NLRP13: variants seen among roughly 807,000 people sequenced by gnomAD.
NLRP13 encodes the protein NACHT, LRR and PYD domains-containing protein 13.
NLRP13 carries 82 observed loss-of-function variants against 94.4 expected under a neutral mutation model. That is an observed-to-expected ratio of 0.87 (90% CI 0.73 to 1.04). The LOEUF (loss-of-function observed/expected upper bound fraction) is 1.04. Ranked by LOEUF, NLRP13 falls within the 50% of genes least tolerant of loss-of-function variation. The probability of loss-of-function intolerance (pLI) is 0.00; values close to 1 mark genes in which losing one functional copy is unlikely to be tolerated. For missense variants in NLRP13, 1,426 were observed against 1,230.8 expected, an observed-to-expected ratio of 1.16 and a Z score of -2.37; for synonymous variants, 553 against 464.7, an observed-to-expected ratio of 1.19 and a Z score of -2.45.
At chr19:55,894,559 C>T (rs1985947971), downstream of NLRP13, among the ~76,000 whole-genome samples, 2 of 152,156 alleles carry the variant, frequency 1.3e-5, no homozygotes, top group Admixed American at 1.3e-4. Context: ...TTCCAGCCTC[C>T]TTGGGACTCA....
At chr19:55,931,744 A>AAGAAAGAAAG (rs1600283705) in intron 1 of NLRP13, among the ~76,000 whole-genome samples, 2 of 149,038 alleles carry the variant, frequency 1.3e-5, no homozygotes, top group East Asian at 4.0e-4. Flanking sequence ...GAAAGAAAGA[A>AAGAAAGAAAG]AAAGGCTTAT....
intron 4 of NLRP13, among the ~76,000 whole-genome samples, chr19:55,914,333 C>T (rs1267795530): frequency 1.3e-5 from 2 of 152,020 alleles, no homozygotes; most frequent in Non-Finnish European, 2.9e-5. Context: ...GAGGCTGGAT[C>T]GTGATTATCT....
At chr19:55,928,589 A>G (rs892662129) in intron 1 of NLRP13, among the ~76,000 whole-genome samples, 2 of 152,194 alleles carry the variant, frequency 1.3e-5, no homozygotes, top group Non-Finnish European at 1.5e-5. Flanking sequence ...ATATTTTTAA[A>G]AATCAGCAAC....
chr19:55,924,999 TG>T lies in NLRP13; in HGVS notation c.355del (p.Gln119ArgfsTer4), dbSNP rs781049376. On this transcript the variant is annotated frameshift_variant, in exon 2 of 11. Coordinates refer to ENST00000342929, the MANE Select transcript of NLRP13 (RefSeq NM_176810.2). LOFTEE classifies it high-confidence loss of function. Reference sequence around the variant, plus strand: ...TGCTTCTAGCATCTCTAGATCTTCCTGGGTTGGATCTTGCAGCTCTTGGGTC... The same window carrying T: ...TGCTTCTAGCATCTCTAGATCTTCCTGGTTGGATCTTGCAGCTCTTGGGTC... Reference protein sequence around the residue: ...VQTQELQDPTQEDLEMLEAAA... With the variant: ...VQTQELQDPTXEDLEMLEAAA... 1 of 1,614,186 alleles carries T rather than the reference TG, an allele frequency of 6.2e-7. No individual in the cohort carries two copies. Among genetic ancestry groups the T allele is most frequent in the Non-Finnish European group, 8.5e-7 (1 of 1,180,010 alleles).
At chr19:55,923,461 C>T (rs1986888272) in intron 4 of NLRP13, among the ~76,000 whole-genome samples, 2 of 152,200 alleles carry the variant, frequency 1.3e-5, no homozygotes, top group Non-Finnish European at 1.5e-5. Flanking sequence ...TATCATGCCT[C>T]CAGAAACCTG....
At chr19:55,894,824 G>A (rs779758332), downstream of NLRP13, among the ~76,000 whole-genome samples, 5 of 152,300 alleles carry the variant, frequency 3.3e-5, no homozygotes, top group Middle Eastern at 3.4e-3. Flanking sequence ...AATGGCTATG[G>A]AGTGACACGT....
In NLRP13 at chr19:55,912,878, A is replaced by C; in HGVS notation, c.939T>G (p.Phe313Leu). ...GTGACTCAGATATGATTATTTCCTC[A>C]AAGCCATCAATAATAAACAGGAGCT... is the stretch of plus-strand genomic sequence containing the variant. ...PEKLLFIIDG[F>L]EEIIISESRS... The change falls in exon 5 of 11, where the codon TTT becomes TTG. Residue 313 changes from phenylalanine to leucine, a missense_variant. Phe to Leu is a conservative substitution (Grantham distance 22). Coordinates refer to ENST00000342929, the MANE Select transcript of NLRP13 (RefSeq NM_176810.2). 1 of 1,614,156 alleles carries C rather than the reference A, an allele frequency of 6.2e-7. No homozygotes were observed. Among genetic ancestry groups the C allele is most frequent in the Non-Finnish European group, 8.5e-7 (1 of 1,180,022 alleles).
At chr19:55,904,902 C>A in intron 8 of NLRP13, 40 bp downstream of exon 8, 1 of 1,553,498 alleles carries the variant, frequency 6.4e-7, no homozygotes, top group South Asian at 1.1e-5. Context: ...TATCTGTGCC[C>A]ATAGAGTCAT....
rs1986543918 is a variant in NLRP13, at chr19:55,912,385, C to T, written c.1432G>A (p.Gly478Arg). 4 of 1,614,016 alleles carry T rather than the reference C, an allele frequency of 2.5e-6. No homozygotes were observed. The highest frequency in any genetic ancestry group is 2.2e-5 in the East Asian group (1 of 44,892). Residue 478 changes from glycine to arginine, a missense_variant, in exon 5 of 11, where the codon GGA becomes AGA. Physicochemically the swap from Gly to Arg is moderately radical, Grantham distance 125. Transcript: ENST00000342929. Reference sequence around the variant, plus strand: ...AGACTGCAGAGGGCCCTCCATTGTCCTGGCCAGCTGTCATCTGCCAAATCT... The same window carrying T: ...AGACTGCAGAGGGCCCTCCATTGTCTTGGCCAGCTGTCATCTGCCAAATCT... ...EVDLADDSWP[G>R]QWRALCSLAI...
chr19:55,924,482 T>G, intron 3 of NLRP13, 108 bp downstream of exon 3: 1 of 775,048 alleles, frequency 1.3e-6, no homozygotes, highest in South Asian at 1.6e-5. Context: ...TTTTAATTTT[T>G]TATGTACCAT....
chr19:55,898,524 T>C lies in NLRP13; in HGVS notation c.2957+246A>G, dbSNP rs531085054. 2.1e-4 allele frequency among the ~76,000 whole-genome samples: 32 copies of C among 152,152 alleles called. No homozygotes were observed. In the South Asian group the frequency reaches 2.7e-3, roughly 13 times the overall value. Reference sequence around the variant, plus strand: ...TGCTCCCAGCTAATTTTTGTATTTTTAGTAGAGACGGGGTTTCCCCATGTT... The same window carrying C: ...TGCTCCCAGCTAATTTTTGTATTTTCAGTAGAGACGGGGTTTCCCCATGTT... On this transcript the variant is annotated intron_variant, in intron 10 of 10. Transcript: ENST00000342929.
rs773384477 is a variant in NLRP13, at chr19:55,911,733, A to T, written c.2084T>A (p.Ile695Asn). ...CAGAATTTCCAAGTCCCTTTCAAGG[A>T]TGTGACTGCTAACAGAAAGCCTTAG... is the stretch of plus-strand genomic sequence containing the variant. ...NKLRLSVSSH[I>N]LERDLEILET... Residue 695 changes from isoleucine (I) to asparagine (N), a missense_variant, in exon 5 of 11, where the codon ATC (isoleucine) becomes AAC (asparagine). Ile to Asn is a moderately radical substitution (Grantham distance 149, BLOSUM62 -3). Transcript: ENST00000342929. The T allele has an allele frequency of 3.7e-6, 6 of 1,608,610 alleles. No homozygotes were observed. The highest frequency in any genetic ancestry group is 5.1e-6 in the Non-Finnish European group (6 of 1,177,504).
intron 1 of NLRP13, among the ~76,000 whole-genome samples, chr19:55,929,291 T>C (rs1430936615): frequency 1.3e-5 from 2 of 152,146 alleles, no homozygotes; most frequent in African/African-American, 2.4e-5. Flanking sequence ...ACCCAAAGGA[T>C]TATAAATCAT....
At chr19:55,904,799 T>C in intron 8 of NLRP13, 143 bp downstream of exon 8, 1 of 692,140 alleles carries the variant, frequency 1.4e-6, no homozygotes, top group African/African-American at 1.8e-5. Context: ...CTGAATCTGT[T>C]TTAGAGCAAT....
intron 3 of NLRP13, among the ~76,000 whole-genome samples, chr19:55,924,234 T>A (rs571113181): frequency 6.6e-6 from 1 of 152,196 alleles, no homozygotes; most frequent in African/African-American, 2.4e-5. Flanking sequence ...GAGATTCTCC[T>A]GCCTCAGCCT....
At position 55,913,096 on chromosome 19, in the gene NLRP13, T is replaced by C. The variant is rs1986574329; in HGVS notation, c.721A>G (p.Lys241Glu). The change falls in exon 5 of 11, where the codon AAG becomes GAG. Residue 241 changes from lysine to glutamate, a missense_variant. Physicochemically the swap from Lys to Glu is moderately conservative, Grantham distance 56. Transcript: ENST00000342929. ...IVLVGRAGVG[K>E]TTLAMQAMLH... ...ATAGCCTGCATTGCCAAGGTGGTCT[T>C]CCCAACCCCTGCCCTCCCCACCAAG... 1.9e-6 allele frequency: 3 copies of C among 1,614,142 alleles called. No individual in the cohort carries two copies. Among genetic ancestry groups the C allele is most frequent in the Non-Finnish European group, 2.5e-6 (3 of 1,180,010 alleles).
chr19:55,898,162 G>GA (rs1986062799), intron 10 of NLRP13, among the ~76,000 whole-genome samples: 1 of 150,576 alleles, frequency 6.6e-6, no homozygotes, highest in Non-Finnish European at 1.5e-5. Context: ...CTCTAAACGT[G>GA]AAAAACTTCA....
At chr19:55,908,138 T>C (rs75934676) in intron 6 of NLRP13, among the ~76,000 whole-genome samples, 182 bp from the exon 7 acceptor site, 2,530 of 151,540 alleles carry the variant, frequency 0.017, 218 homozygotes, top group Admixed American at 0.14. Flanking sequence ...TAAAATATAC[T>C]CCCCCCAAAA....
At position 55,908,283 on chromosome 19, in the gene NLRP13, A is replaced by G. The variant is rs1360353350; in HGVS notation, c.2283-327T>C. On this transcript the variant is annotated intron_variant, in intron 6 of 10. Coordinates refer to ENST00000342929, the MANE Select transcript of NLRP13 (RefSeq NM_176810.2). ...AATGACCCCCCCATATACACATACA[A>G]TCCAACCTAGAAAAGCCCAGCAATA... Among the ~76,000 whole-genome samples the G allele has an allele frequency of 2.0e-5, 3 of 152,014 alleles. No individual in the cohort carries two copies. The East Asian group carries it at 5.8e-4, about 29-fold the overall frequency.
Sources: allele counts gnomAD v4.1 joint callset (sites outside exome capture counted in the v4.1 genomes callset), GRCh38; gene constraint gnomAD v4.1.1; transcripts MANE v1.5; gene names NCBI Gene and HGNC (gene_info 2026-07-23, HGNC 2026-07-21).